GALNT13: variants seen among roughly 807,000 people sequenced by gnomAD.
GALNT13 encodes UDP-GalNAc:polypeptide N-acetylgalactosaminyltransferase 13.
GALNT13 carries 28 observed loss-of-function variants against 64.2 expected under a neutral mutation model. That is an observed-to-expected ratio of 0.44 (90% CI 0.32 to 0.60). GALNT13 has a LOEUF of 0.60. GALNT13 is among the 20% of genes least tolerant of loss of function. The pLI is 0.05. For missense variants in GALNT13, 577 were observed against 669.8 expected (o/e 0.86, Z 1.53); for synonymous variants, 214 against 224.6 (o/e 0.95, Z 0.42).
chr2:154,237,094 T>A (rs187197507), intron 4 of GALNT13, among the ~76,000 whole-genome samples: 4 of 152,046 alleles, frequency 2.6e-5, no homozygotes, highest in Non-Finnish European at 5.9e-5. Context: ...TATTACTACT[T>A]TAATATAGTA....
rs190035912 is a variant in GALNT13, at chr2:154,267,368, G to C, written c.975+8230G>C. On this transcript the variant is annotated intron_variant, in intron 8 of 12. Coordinates refer to ENST00000392825, the MANE Select transcript of GALNT13 (RefSeq NM_052917.4). Reference sequence around the variant, plus strand: ...AACTTGTGCTTTTCAGGCCGGGCATGGTGGCTCACGCCTGTAATCCCAGCA... The same window carrying C: ...AACTTGTGCTTTTCAGGCCGGGCATCGTGGCTCACGCCTGTAATCCCAGCA... 5.5e-4 allele frequency among the ~76,000 whole-genome samples: 83 copies of C among 152,138 alleles called. No homozygotes were observed. The East Asian group carries it at 0.015, about 27-fold the overall frequency.
the GALNT13 span, among the ~76,000 whole-genome samples, chr2:153,293,793 C>CTGTG: frequency 3.1e-5 from 1 of 32,666 alleles, no homozygotes; most frequent in African/African-American, 1.7e-4. Context: ...GTGTGTGTGT[C>CTGTG]TGTGTGTGTG....
chr2:153,580,720 G>T, the GALNT13 span, among the ~76,000 whole-genome samples: 3 of 152,260 alleles, frequency 2.0e-5, no homozygotes, highest in African/African-American at 7.2e-5. Flanking sequence ...TCATATAGGT[G>T]TTTATAACAA....
At chr2:154,302,273 G>A (rs1448417958) in intron 9 of GALNT13, among the ~76,000 whole-genome samples, 1 of 151,950 alleles carries the variant, frequency 6.6e-6, no homozygotes, top group African/African-American at 2.4e-5. Flanking sequence ...TTCTGCAATA[G>A]CTACATTACT....
chr2:153,725,698 A>G, the GALNT13 span, among the ~76,000 whole-genome samples: 1 of 152,036 alleles, frequency 6.6e-6, no homozygotes, highest in Admixed American at 6.6e-5. Flanking sequence ...CACAGATGCT[A>G]CTTTTGAGGA....
chr2:153,225,563 A>G, the GALNT13 span, among the ~76,000 whole-genome samples: 2 of 152,204 alleles, frequency 1.3e-5, no homozygotes, highest in African/African-American at 2.4e-5. Flanking sequence ...TTCAGATGAC[A>G]TGATTGTCTA....
chr2:153,259,999 C>T, the GALNT13 span, among the ~76,000 whole-genome samples: 3 of 151,554 alleles, frequency 2.0e-5, no homozygotes, highest in South Asian at 6.2e-4. Flanking sequence ...TTGAGTTTAC[C>T]CTGAGGCTTG....
chr2:153,613,720 C>T, the GALNT13 span, among the ~76,000 whole-genome samples: 12 of 152,098 alleles, frequency 7.9e-5, 1 homozygote, highest in South Asian at 4.1e-4. Context: ...TGAGAACATG[C>T]GGTGTTTGGT....
chr2:153,517,097 G>A, the GALNT13 span, among the ~76,000 whole-genome samples: 1 of 152,146 alleles, frequency 6.6e-6, no homozygotes, highest in East Asian at 1.9e-4. Flanking sequence ...AATCTGTGGG[G>A]TTTGCTATTG....
chr2:153,729,731 A>G, the GALNT13 span, among the ~76,000 whole-genome samples: 2 of 152,086 alleles, frequency 1.3e-5, no homozygotes, highest in Admixed American at 6.6e-5. Flanking sequence ...AAAAAATCCT[A>G]AAGAGTCATC....
At chr2:154,217,146 T>G (rs1055284542) in intron 4 of GALNT13, among the ~76,000 whole-genome samples, 1 of 151,956 alleles carries the variant, frequency 6.6e-6, no homozygotes, top group Non-Finnish European at 1.5e-5. Flanking sequence ...GACTTTTATA[T>G]TCTCTATTAT....
chr2:153,432,084 A>G, the GALNT13 span, among the ~76,000 whole-genome samples: 1 of 151,916 alleles, frequency 6.6e-6, no homozygotes, highest in Non-Finnish European at 1.5e-5. Context: ...GGTTTGGGAA[A>G]TATTAAGATA....
rs189250262 is a variant in GALNT13 at position 153,969,765 on chromosome 2, T to C, written c.142+25126T>C. Among the ~76,000 whole-genome samples, 6 of 152,284 alleles carry C rather than the reference T, an allele frequency of 3.9e-5. No individual in the cohort carries two copies. In the East Asian group the frequency reaches 9.6e-4, roughly 24 times the overall value. On this transcript the variant is annotated intron_variant, in intron 3 of 12. Coordinates refer to ENST00000392825, the MANE Select transcript of GALNT13 (RefSeq NM_052917.4). ...AGTTCCTCATTCATAACTATCATTA[T>C]TTTCTGCCACATAGTATAGTTCTAT...
At chr2:153,294,955 G>A in the GALNT13 span, among the ~76,000 whole-genome samples, 4 of 152,092 alleles carry the variant, frequency 2.6e-5, no homozygotes, top group Non-Finnish European at 2.9e-5. Context: ...TTATTGGACT[G>A]TGAAGAGAAA....
intron 11 of GALNT13, among the ~76,000 whole-genome samples, chr2:154,413,569 A>G (rs1443070184): frequency 6.6e-6 from 1 of 151,968 alleles, no homozygotes; most frequent in Non-Finnish European, 1.5e-5. Flanking sequence ...TTCCAGCCTG[A>G]TCTACCTTGA....
chr2:153,902,231 A>G (rs962516763), intron 2 of GALNT13, among the ~76,000 whole-genome samples: 1 of 152,062 alleles, frequency 6.6e-6, no homozygotes, highest in African/African-American at 2.4e-5. Context: ...TAAATCGTTC[A>G]TGCTCCCACA....
chr2:153,118,150 A>G, the GALNT13 span, among the ~76,000 whole-genome samples: 12 of 37,428 alleles, frequency 3.2e-4, no homozygotes, highest in African/African-American at 8.4e-4. Context: ...CACACACCCC[A>G]CATAAACCTA....
chr2:153,487,277 G>A, the GALNT13 span, among the ~76,000 whole-genome samples: 1 of 152,182 alleles, frequency 6.6e-6, no homozygotes, highest in African/African-American at 2.4e-5. Flanking sequence ...GCTCATAGTG[G>A]CAACAATAGT....
At chr2:153,938,391 T>A (rs1252499909) in intron 2 of GALNT13, among the ~76,000 whole-genome samples, 1 of 152,162 alleles carries the variant, frequency 6.6e-6, no homozygotes, top group Admixed American at 6.5e-5. Context: ...TCAAATAAGC[T>A]GCAAAATTGT....
Sources: allele counts gnomAD v4.1 joint callset (sites outside exome capture counted in the v4.1 genomes callset), GRCh38; gene constraint gnomAD v4.1.1; transcripts MANE v1.5; gene names NCBI Gene and HGNC (gene_info 2026-07-23, HGNC 2026-07-21).